Variants in AKAP6 observed in about 807,000 individuals in gnomAD.
AKAP6 encodes A-kinase anchor protein 6.
In AKAP6, 58 loss-of-function variants were observed where a neutral mutation model predicts 188.5. That is an observed-to-expected ratio of 0.31 (90% confidence interval 0.25 to 0.38). The LOEUF (loss-of-function observed/expected upper bound fraction) is 0.38. Among genes scored for constraint, AKAP6 ranks in the 10% least tolerant of loss-of-function variants. The pLI is 1.00. For missense variants in AKAP6, 2,710 were observed against 2,740.0 expected, an observed-to-expected ratio of 0.99 and a Z score of 0.24; for synonymous variants, 989 against 998.6, an observed-to-expected ratio of 0.99 and a Z score of 0.18.
At chr14:32,680,739 T>G (rs1484197039) in intron 8 of AKAP6, among the ~76,000 whole-genome samples, 1 of 152,244 alleles carries the variant, frequency 6.6e-6, no homozygotes, top group South Asian at 2.1e-4. Context: ...GAGAATTTTA[T>G]GTAACCAAAA....
intron 9 of AKAP6, among the ~76,000 whole-genome samples, chr14:32,718,744 A>G (rs996111361): frequency 2.0e-5 from 3 of 152,218 alleles, no homozygotes; most frequent in Non-Finnish European, 4.4e-5. Context: ...AATGAAGCTC[A>G]AAGATAAAGC....
intron 4 of AKAP6, among the ~76,000 whole-genome samples, chr14:32,564,373 C>A (rs10483410): frequency 1.3e-4 from 20 of 152,068 alleles, no homozygotes; most frequent in African/African-American, 4.8e-4. Flanking sequence ...GAGGTAGATT[C>A]ATTACAGTAT....
At chr14:32,470,038 T>G (rs60158953) in intron 2 of AKAP6, among the ~76,000 whole-genome samples, 2,019 of 152,252 alleles carry the variant, frequency 0.013, 43 homozygotes, top group African/African-American at 0.046. Flanking sequence ...ATATAATTAC[T>G]AATATAAAAT....
intron 9 of AKAP6, among the ~76,000 whole-genome samples, chr14:32,720,366 A>G (rs1160642243): frequency 6.6e-6 from 1 of 152,220 alleles, no homozygotes; most frequent in Non-Finnish European, 1.5e-5. Flanking sequence ...TAGCTTAGAG[A>G]TGTAAATATG....
chr14:32,811,916 A>G lies in AKAP6; in HGVS notation c.3589-9486A>G, dbSNP rs528744563. Among the ~76,000 whole-genome samples the G allele has an allele frequency of 3.3e-5, 5 of 152,334 alleles. 1 individual carries two copies. In the South Asian group the frequency reaches 1.0e-3, roughly 32 times the overall value. On this transcript the variant is annotated intron_variant, in intron 12 of 13. Transcript: ENST00000280979. ...ATGTCTATCTCACAGGAAAATTCGT[A>G]TGTTAGAAAACTTCACTTGTTTACA...
chr14:32,411,471 A>G (rs1889479678), intron 1 of AKAP6, among the ~76,000 whole-genome samples: 1 of 152,172 alleles, frequency 6.6e-6, no homozygotes, highest in African/African-American at 2.4e-5. Context: ...CAACATTGGT[A>G]TCCTTTAATC....
intron 11 of AKAP6, among the ~76,000 whole-genome samples, chr14:32,748,569 A>G (rs938867695): frequency 6.6e-6 from 1 of 152,310 alleles, no homozygotes. Context: ...GGTTTCACCT[A>G]CTTTGGTGAG....
chr14:32,535,033 C>T (rs912707551), intron 2 of AKAP6, among the ~76,000 whole-genome samples: 18 of 146,226 alleles, frequency 1.2e-4, no homozygotes, highest in African/African-American at 4.5e-4. Flanking sequence ...AAGTTGTATA[C>T]TTGTGGGAGA....
chr14:32,351,178 C>T lies in AKAP6; in HGVS notation c.-35+21770C>T, dbSNP rs115551056. 4.4e-3 allele frequency among the ~76,000 whole-genome samples: 672 copies of T among 152,252 alleles called. 4 individuals carry two copies. The highest frequency in any genetic ancestry group is 0.015 in the African/African-American group (634 of 41,542). ...ATTTTTAAGCATTTTAGATATATAT[C>T]TTATAGACATTAAATAGTTTTTCAT... On this transcript the variant is annotated intron_variant, in intron 1 of 13. Coordinates refer to ENST00000280979, the MANE Select transcript of AKAP6 (RefSeq NM_004274.5).
At chr14:32,358,052 T>G (rs1887540006) in intron 1 of AKAP6, among the ~76,000 whole-genome samples, 1 of 152,226 alleles carries the variant, frequency 6.6e-6, no homozygotes, top group Admixed American at 6.5e-5. Context: ...GAAACCACAC[T>G]AGACCATTGT....
At chr14:32,607,378 A>G (rs116847682) in intron 7 of AKAP6, among the ~76,000 whole-genome samples, 363 of 152,340 alleles carry the variant, frequency 2.4e-3, no homozygotes, top group Non-Finnish European at 3.7e-3. Context: ...TGCTTGAGAC[A>G]CTTTGCTGTC....
chr14:32,438,556 T>G (rs1221084911), intron 2 of AKAP6: 1 of 152,206 alleles, frequency 6.6e-6, no homozygotes, highest in East Asian at 1.9e-4. Flanking sequence ...GAGTGATTAT[T>G]CTTGAGAGTG....
intron 1 of AKAP6, among the ~76,000 whole-genome samples, chr14:32,367,886 A>G (rs1340036512): frequency 6.6e-6 from 1 of 152,174 alleles, no homozygotes; most frequent in Non-Finnish European, 1.5e-5. Context: ...CATCTCCACC[A>G]ACTCACAGTT....
intron 1 of AKAP6, among the ~76,000 whole-genome samples, chr14:32,407,769 C>T (rs995387361): frequency 6.6e-6 from 1 of 152,136 alleles, no homozygotes; most frequent in Non-Finnish European, 1.5e-5. Flanking sequence ...TTGTTGCCAA[C>T]CTCCACAAAC....
chr14:32,518,083 G>T (rs1881616741), intron 2 of AKAP6, among the ~76,000 whole-genome samples: 2 of 152,170 alleles, frequency 1.3e-5, no homozygotes, highest in African/African-American at 2.4e-5. Context: ...CAGGCAAACA[G>T]GTTCTGGAGT....
chr14:32,670,083 T>G, intron 7 of AKAP6, among the ~76,000 whole-genome samples: 1 of 138,688 alleles, frequency 7.2e-6, no homozygotes. Flanking sequence ...AGTGACAGAG[T>G]GAGACTCTGT....
chr14:32,822,448 T>G lies in AKAP6; in HGVS notation c.4635T>G (p.Asn1545Lys). The change falls in exon 13 of 14, where the codon AAT becomes AAG. Residue 1545 changes from asparagine (N) to lysine (K), a missense_variant. By Grantham distance (94) the Asn-to-Lys change is moderately conservative. Around this residue, in one of 2 missense-constraint regions of AKAP6, gnomAD observed 2,473 missense variants for 2,426.1 expected, o/e 1.02. Transcript: ENST00000280979. ...EMDRISYKSGNIEKTFTGMQN... is the reference protein window; with the variant it reads ...EMDRISYKSGKIEKTFTGMQN... ...ATCGCATTTCATATAAAAGTGGCAA[T>G]ATAGAAAAGACATTCACTGGCATGC... 1 of 1,614,000 alleles carries G rather than the reference T, an allele frequency of 6.2e-7. No individual in the cohort carries two copies. The highest frequency in any genetic ancestry group is 8.5e-7 in the Non-Finnish European group (1 of 1,179,956).
intron 4 of AKAP6, among the ~76,000 whole-genome samples, chr14:32,554,208 G>A (rs563794287): frequency 6.6e-6 from 1 of 152,316 alleles, no homozygotes; most frequent in Non-Finnish European, 1.5e-5. Context: ...GGCTGCTTTT[G>A]TATTTCAGTG....
intron 7 of AKAP6, among the ~76,000 whole-genome samples, chr14:32,667,815 C>T (rs1889014251): frequency 6.6e-6 from 1 of 152,046 alleles, no homozygotes; most frequent in South Asian, 2.1e-4. Flanking sequence ...TCTTGTTGTT[C>T]CTGCTTCATT....
Sources: gnomAD v4.1 joint callset for allele counts (sites outside exome capture counted in the v4.1 genomes callset) on GRCh38, gnomAD v4.1.1 for gene constraint, gnomAD v4.1.1 regional missense constraint, MANE v1.5 for transcripts, NCBI Gene and HGNC (gene_info 2026-07-23, HGNC 2026-07-21) for gene names.